The following LRRC18 variants were observed in gnomAD, a reference collection of about 807,000 sequenced individuals.
LRRC18 encodes leucine-rich repeat-containing protein 18.
A neutral mutation model predicts 11.2 loss-of-function variants in LRRC18; 12 were observed. The observed-to-expected ratio is 1.07, with a 90% CI of 0.69 to 1.74. The LOEUF (loss-of-function observed/expected upper bound fraction) is 1.74. LRRC18 is among the 40% of genes most tolerant of loss of function. LRRC18 has a pLI of 0.00. For synonymous variants in LRRC18, 155 were observed against 130.6 expected, an observed-to-expected ratio of 1.19 and a Z score of -1.27; for missense variants, 374 against 330.5, an observed-to-expected ratio of 1.13 and a Z score of -1.02.
chr10:48,927,222 C>A, the LRRC18 span, among the ~76,000 whole-genome samples: 1 of 152,150 alleles, frequency 6.6e-6, no homozygotes, highest in African/African-American at 2.4e-5. Context: ...GATGCCTCCC[C>A]CGAACCCTCC....
At chr10:48,916,156 C>A (rs984163256), upstream of LRRC18, among the ~76,000 whole-genome samples, 2 of 152,166 alleles carry the variant, frequency 1.3e-5, no homozygotes, top group Non-Finnish European at 2.9e-5. Flanking sequence ...AAAGTAAAGA[C>A]CAATCTGGCC....
upstream of LRRC18, among the ~76,000 whole-genome samples, chr10:48,914,425 T>G (rs1414353814): frequency 3.3e-5 from 5 of 152,168 alleles, no homozygotes; most frequent in Admixed American, 3.3e-4. Context: ...TTGATTTTCT[T>G]GGATGTTAAA....
At chr10:48,911,187 C>T (rs1165039634) in intron 1 of LRRC18, among the ~76,000 whole-genome samples, 2 of 152,200 alleles carry the variant, frequency 1.3e-5, no homozygotes, top group Non-Finnish European at 2.9e-5. Context: ...TCACACATGT[C>T]TCAGACACGG....
the LRRC18 span, among the ~76,000 whole-genome samples, chr10:48,928,250 C>A: frequency 6.6e-6 from 1 of 152,132 alleles, no homozygotes; most frequent in Non-Finnish European, 1.5e-5. Flanking sequence ...GTCTCCTGAA[C>A]CCCACAAGCT....
chr10:48,910,785 G>A, intron 1 of LRRC18: 1 of 327,968 alleles, frequency 3.0e-6, no homozygotes, highest in South Asian at 1.2e-4. Context: ...GGCCAGCCAA[G>A]CAGTTGGCAG....
chr10:48,932,520 C>T, the LRRC18 span: 1 of 152,158 alleles, frequency 6.6e-6, no homozygotes, highest in Admixed American at 6.5e-5. Flanking sequence ...GTTCAGTCTC[C>T]TCATTCAGTC....
intron 1 of LRRC18, 122 bp downstream of exon 3, chr10:48,913,270 G>A (rs1277942632): frequency 2.2e-6 from 2 of 902,460 alleles, no homozygotes; most frequent in Non-Finnish European, 3.4e-6. Flanking sequence ...GGAGTTTTAT[G>A]GGCTTGGCTG....
At chr10:48,926,769 T>C in the LRRC18 span, among the ~76,000 whole-genome samples, 29 of 152,154 alleles carry the variant, frequency 1.9e-4, no homozygotes, top group Non-Finnish European at 3.5e-4. Flanking sequence ...GCTTGGTAAT[T>C]GACAATGAAA....
chr10:48,917,447 G>C (rs1253884267), upstream of LRRC18, among the ~76,000 whole-genome samples: 1 of 152,122 alleles, frequency 6.6e-6, no homozygotes, highest in Non-Finnish European at 1.5e-5. Flanking sequence ...TTCACACTCA[G>C]ACACATAATC....
the LRRC18 span, among the ~76,000 whole-genome samples, chr10:48,925,574 T>C: frequency 6.6e-6 from 1 of 152,208 alleles, no homozygotes; most frequent in African/African-American, 2.4e-5. Context: ...TTTTCTCCAC[T>C]AACTGCCCCA....
the LRRC18 span, among the ~76,000 whole-genome samples, chr10:48,938,978 T>C: frequency 6.6e-6 from 1 of 152,132 alleles, no homozygotes; most frequent in Middle Eastern, 3.2e-3. Flanking sequence ...CTGGCTTCAT[T>C]CGAGTTCTTC....
At chr10:48,913,261 G>T (rs888980008) in intron 1 of LRRC18, 131 bp downstream of exon 3, 30 of 813,064 alleles carry the variant, frequency 3.7e-5, no homozygotes, top group African/African-American at 6.8e-5. Context: ...GTAAGGAAAG[G>T]AGTTTTATGG....
upstream of LRRC18, among the ~76,000 whole-genome samples, chr10:48,914,496 G>T (rs192120856): frequency 6.3e-4 from 96 of 152,204 alleles, no homozygotes; most frequent in African/African-American, 2.3e-3. Flanking sequence ...GCCATGCCCC[G>T]ACTTATAAAT....
At chr10:48,920,624 T>G in the LRRC18 span, among the ~76,000 whole-genome samples, 1 of 152,226 alleles carries the variant, frequency 6.6e-6, no homozygotes, top group African/African-American at 2.4e-5. Flanking sequence ...AGAGCACACT[T>G]TCACTATGTC....
the LRRC18 span, among the ~76,000 whole-genome samples, chr10:48,929,839 A>T: frequency 6.6e-6 from 1 of 152,168 alleles, no homozygotes; most frequent in East Asian, 1.9e-4. Flanking sequence ...CAGGGCCCAA[A>T]CTGTGGCATC....
At chr10:48,920,355 G>T in the LRRC18 span, among the ~76,000 whole-genome samples, 1 of 151,278 alleles carries the variant, frequency 6.6e-6, no homozygotes, top group African/African-American at 2.4e-5. Flanking sequence ...ATCACACACC[G>T]GGGCCTGTTG....
chr10:48,911,706 G>T (rs1402484860), intron 1 of LRRC18, among the ~76,000 whole-genome samples: 1 of 152,154 alleles, frequency 6.6e-6, no homozygotes, highest in Non-Finnish European at 1.5e-5. Flanking sequence ...AAGGAACTCT[G>T]CCAGCATTGC....
At chr10:48,937,441 T>C in the LRRC18 span, among the ~76,000 whole-genome samples, 1 of 152,210 alleles carries the variant, frequency 6.6e-6, no homozygotes, top group Non-Finnish European at 1.5e-5. Flanking sequence ...AGTCAGCGTG[T>C]CGGTGTTTAT....
At chr10:48,913,032 G>T (rs1431812297) in intron 1 of LRRC18, among the ~76,000 whole-genome samples, 4 of 152,204 alleles carry the variant, frequency 2.6e-5, no homozygotes, top group Non-Finnish European at 5.9e-5. Flanking sequence ...CTGGCAGTGG[G>T]CTCTGAAATG....
Sources: gnomAD v4.1 joint callset for allele counts (sites outside exome capture counted in the v4.1 genomes callset) on GRCh38, gnomAD v4.1.1 for gene constraint, MANE v1.5 for transcripts, NCBI Gene and HGNC (gene_info 2026-07-23, HGNC 2026-07-21) for gene names.